The following FUT8 variants were observed in gnomAD, a reference collection of about 807,000 sequenced individuals.
The protein encoded by FUT8 is fucosyltransferase 8.
Under a neutral mutation model 71.3 loss-of-function variants are expected in FUT8, and 29 were observed. The observed-to-expected ratio is 0.41, with a 90% confidence interval of 0.30 to 0.55. The LOEUF (loss-of-function observed/expected upper bound fraction) is 0.55, where lower values mean the gene tolerates loss of function less well. Ranked by LOEUF, FUT8 falls within the 20% of genes least tolerant of loss-of-function variation. FUT8 has a pLI of 0.34. For missense variants in FUT8, 544 were observed against 702.1 expected (o/e 0.77, Z 2.55); for synonymous variants, 254 against 239.3 (o/e 1.06, Z -0.57).
chr14:65,620,053 G>A (rs572470397), intron 5 of FUT8, among the ~76,000 whole-genome samples: 4 of 152,214 alleles, frequency 2.6e-5, no homozygotes, highest in African/African-American at 7.2e-5. Context: ...CTTAATCACT[G>A]TTGCTCTGAT....
intron 6 of FUT8, among the ~76,000 whole-genome samples, chr14:65,657,535 A>G (rs1313679388): frequency 6.6e-6 from 1 of 152,150 alleles, no homozygotes; most frequent in African/African-American, 2.4e-5. Context: ...CATGGATGGA[A>G]CTGGAGATCA....
chr14:65,476,492 T>G (rs1004698742), intron 2 of FUT8, among the ~76,000 whole-genome samples: 26 of 152,332 alleles, frequency 1.7e-4, no homozygotes, highest in African/African-American at 5.3e-4. Flanking sequence ...TTTTGCTTAG[T>G]GTGTTAAGTA....
rs561100369 is a variant in FUT8, at chr14:65,592,930, C to A, written c.204-23048C>A. Among the ~76,000 whole-genome samples, 6 of 152,278 alleles carry A rather than the reference C, an allele frequency of 3.9e-5. No homozygotes were observed. The South Asian group carries it at 1.2e-3, about 32-fold the overall frequency. The stretch of plus-strand genomic sequence containing the variant: ...CACTCACTATATGTCAGCATCTGGG[C>A]TGGACCAAGGCATGTTCTATACATG... On this transcript the variant is annotated intron_variant, in intron 3 of 10. Coordinates refer to ENST00000673929, the MANE Select transcript of FUT8 (RefSeq NM_001371533.1).
In FUT8 at chr14:65,722,177, AT is replaced by A. The variant is rs769919934; in HGVS notation, c.1082+165del. 2.8e-4 allele frequency among the ~76,000 whole-genome samples: 42 copies of A among 151,592 alleles called. 1 individual carries two copies. The highest frequency in any genetic ancestry group is 1.7e-3 in the South Asian group (8 of 4,798). ...GCTATCCTAAGGTCACATGGAGACT[AT>A]TTTTTTTTGTTTGTTTACTTAGAAC... On this transcript the variant is annotated intron_variant, in intron 8 of 10. Coordinates refer to ENST00000673929, the MANE Select transcript of FUT8 (RefSeq NM_001371533.1).
At chr14:65,705,426 C>A (rs1224239223) in intron 7 of FUT8, among the ~76,000 whole-genome samples, 1 of 152,086 alleles carries the variant, frequency 6.6e-6, no homozygotes, top group African/African-American at 2.4e-5. Context: ...TTTAAATGGC[C>A]GTCTTTTGTG....
At chr14:65,469,259 G>A (rs964513390) in intron 2 of FUT8, among the ~76,000 whole-genome samples, 4 of 152,130 alleles carry the variant, frequency 2.6e-5, no homozygotes, top group Admixed American at 2.0e-4. Context: ...GTCTGTTTCC[G>A]AGGCTTGCTT....
At chr14:65,630,071 C>T (rs1481167586) in intron 6 of FUT8, among the ~76,000 whole-genome samples, 3 of 151,984 alleles carry the variant, frequency 2.0e-5, no homozygotes, top group African/African-American at 7.3e-5. Context: ...TGGCTCGTAA[C>T]TGGGAAAGAA....
At chr14:65,628,088 A>G (rs754432196) in intron 5 of FUT8, among the ~76,000 whole-genome samples, 11 of 152,190 alleles carry the variant, frequency 7.2e-5, no homozygotes, top group Non-Finnish European at 1.5e-4. Flanking sequence ...AAAGATTTCA[A>G]GGTCATTTAG....
At chr14:65,403,283 A>C in the FUT8 span, among the ~76,000 whole-genome samples, 1 of 152,188 alleles carries the variant, frequency 6.6e-6, no homozygotes, top group Non-Finnish European at 1.5e-5. Flanking sequence ...GATATGAAAA[A>C]ATGAGACAGA....
At chr14:65,386,376 C>A in the FUT8 span, among the ~76,000 whole-genome samples, 2 of 148,300 alleles carry the variant, frequency 1.3e-5, no homozygotes, top group South Asian at 4.4e-4. Flanking sequence ...TGGTGGTGTG[C>A]GCCTATAGTT....
At chr14:65,479,410 C>G (rs2066295221) in intron 2 of FUT8, among the ~76,000 whole-genome samples, 1 of 152,190 alleles carries the variant, frequency 6.6e-6, no homozygotes, top group African/African-American at 2.4e-5. Flanking sequence ...TTCACATTTT[C>G]TCTAACACTG....
rs188555070 is a variant in FUT8 at position 65,451,203 on chromosome 14, C to T, written c.-325-4418C>T. ...TTGTGGAAGGGAGTGCACAAGTGAA[C>T]GGGTGTGGGAATTGGAGTGAATGAG... On this transcript the variant is annotated intron_variant, in intron 1 of 10. Transcript: ENST00000673929. Among the ~76,000 whole-genome samples the T allele has an allele frequency of 1.6e-3, 240 of 152,320 alleles. 2 individuals carry two copies. Among genetic ancestry groups the T allele is most frequent in the Non-Finnish European group, 4.3e-4 (29 of 68,024 alleles).
intron 7 of FUT8, among the ~76,000 whole-genome samples, chr14:65,718,165 C>A (rs1895218424): frequency 6.6e-6 from 1 of 151,370 alleles, no homozygotes; most frequent in South Asian, 2.1e-4. Flanking sequence ...TTCTATTTTC[C>A]TTTTAGTGAA....
chr14:65,445,070 G>A (rs960806691), intron 1 of FUT8, among the ~76,000 whole-genome samples: 1 of 152,134 alleles, frequency 6.6e-6, no homozygotes, highest in Non-Finnish European at 1.5e-5. Context: ...AGATGGGCGT[G>A]GTGGTGAGCG....
the FUT8 span, among the ~76,000 whole-genome samples, chr14:65,357,304 C>T: frequency 1.4e-4 from 22 of 152,156 alleles, no homozygotes; most frequent in East Asian, 5.8e-4. Context: ...ACCACAGAGC[C>T]AGAAGCCTCG....
intron 1 of FUT8, among the ~76,000 whole-genome samples, chr14:65,441,465 G>A (rs916006563): frequency 6.6e-6 from 1 of 152,060 alleles, no homozygotes; most frequent in African/African-American, 2.4e-5. Flanking sequence ...ACAGGTCTGG[G>A]CATGGTAGTT....
rs570736364 is a variant in FUT8, at chr14:65,652,431, T to C, written c.598-16812T>C. Among the ~76,000 whole-genome samples, 4 of 152,330 alleles carry C rather than the reference T, an allele frequency of 2.6e-5. No individual in the cohort carries two copies. The South Asian group carries it at 6.2e-4, about 24-fold the overall frequency. The stretch of plus-strand genomic sequence containing the variant: ...AAGAAAAAAACTTTTAGTGTACTTC[T>C]TCTTCTGGCCTTTGGATATGATGTG... On this transcript the variant is annotated intron_variant, in intron 6 of 10. Coordinates refer to ENST00000673929, the MANE Select transcript of FUT8 (RefSeq NM_001371533.1). The surrounding 1 kb of genome is among the most constrained non-coding windows in gnomAD (Gnocchi z 4.0).
At chr14:65,381,741 T>TC in the FUT8 span, among the ~76,000 whole-genome samples, 1 of 152,166 alleles carries the variant, frequency 6.6e-6, no homozygotes, top group Non-Finnish European at 1.5e-5. Flanking sequence ...CCCAGGCTGC[T>TC]CCAGGGCCAT....
rs57201867 is a variant in FUT8 at position 65,627,154 on chromosome 14, G to A, written c.483-2338G>A. Reference sequence around the variant, plus strand: ...AAATAAAAGAAGCAACCAAAAAAAAGTTCATTCTTTTGGAGCTTAAATTCT... The same window carrying A: ...AAATAAAAGAAGCAACCAAAAAAAAATTCATTCTTTTGGAGCTTAAATTCT... On this transcript the variant is annotated intron_variant, in intron 5 of 10. Transcript: ENST00000673929. This position sits in a 1 kb window ranked among gnomAD's most constrained non-coding sequence, Gnocchi z 4.0. Among the ~76,000 whole-genome samples the A allele has an allele frequency of 0.098, 14,904 of 152,090 alleles. 981 individuals carry two copies. The highest frequency in any genetic ancestry group is 0.38 in the East Asian group (1,982 of 5,174).
Sources: gnomAD v4.1 joint callset for allele counts (sites outside exome capture counted in the v4.1 genomes callset) on GRCh38, gnomAD v4.1.1 for gene constraint, Gnocchi (gnomAD v3.1) non-coding constraint, MANE v1.5 for transcripts, NCBI Gene and HGNC (gene_info 2026-07-23, HGNC 2026-07-21) for gene names.